PRKN: variants seen among roughly 807,000 people sequenced by gnomAD.
The protein encoded by PRKN is parkin RBR E3 ubiquitin protein ligase.
In PRKN, 56 loss-of-function variants were observed where a neutral mutation model predicts 59.5. The ratio of observed to expected loss-of-function variants is 0.94; its 90% CI spans 0.76 to 1.18. The LOEUF (loss-of-function observed/expected upper bound fraction) is 1.18, where lower values mean the gene tolerates loss of function less well. Among genes scored for constraint, PRKN ranks in the 50% most tolerant of loss-of-function variants. PRKN has a pLI of 0.00. For missense variants in PRKN, 657 were observed against 596.4 expected, an observed-to-expected ratio of 1.10 and a Z score of -1.06; for synonymous variants, 250 against 222.1, an observed-to-expected ratio of 1.13 and a Z score of -1.12.
At chr6:162,431,956 A>G (rs1327782189) in intron 2 of PRKN, among the ~76,000 whole-genome samples, 2 of 152,230 alleles carry the variant, frequency 1.3e-5, no homozygotes, top group Non-Finnish European at 2.9e-5. Flanking sequence ...GTATGGTTTT[A>G]ATAAACTGAA....
chr6:162,516,288 C>T (rs778352057), intron 1 of PRKN, among the ~76,000 whole-genome samples: 2 of 152,176 alleles, frequency 1.3e-5, no homozygotes, highest in Non-Finnish European at 2.9e-5. Flanking sequence ...TTCTCCCTAA[C>T]TCCTCTGCTG....
intron 4 of PRKN, among the ~76,000 whole-genome samples, chr6:162,095,300 G>A (rs532812622): frequency 1.4e-3 from 218 of 152,242 alleles, no homozygotes; most frequent in Non-Finnish European, 2.2e-3. Flanking sequence ...CTCTAAAAAT[G>A]AACAAGATGA....
At chr6:161,964,956 T>C (rs77958649) in intron 6 of PRKN, among the ~76,000 whole-genome samples, 12,462 of 152,064 alleles carry the variant, frequency 0.082, 636 homozygotes, top group African/African-American at 0.11. Context: ...ATAGCCAGAA[T>C]TAATATGTGA....
intron 1 of PRKN, among the ~76,000 whole-genome samples, chr6:162,627,963 C>T (rs1318226048): frequency 6.6e-6 from 1 of 152,040 alleles, no homozygotes; most frequent in Non-Finnish European, 1.5e-5. Context: ...TCAAACCACT[C>T]GGTATCACTC....
At chr6:162,608,922 A>G (rs952462841) in intron 1 of PRKN, among the ~76,000 whole-genome samples, 11 of 152,160 alleles carry the variant, frequency 7.2e-5, no homozygotes, top group Non-Finnish European at 1.3e-4. Flanking sequence ...GGCATGGGTC[A>G]GTAGCACAGG....
At chr6:162,243,128 C>T (rs191888952) in intron 3 of PRKN, among the ~76,000 whole-genome samples, 135 of 152,094 alleles carry the variant, frequency 8.9e-4, no homozygotes, top group East Asian at 3.9e-4. Flanking sequence ...TGGCAATGAC[C>T]GCAATAAATT....
At chr6:162,184,297 C>A (rs1462514276) in intron 4 of PRKN, among the ~76,000 whole-genome samples, 2 of 152,168 alleles carry the variant, frequency 1.3e-5, no homozygotes, top group African/African-American at 4.8e-5. Context: ...CATCCACTGT[C>A]CTCTCTTTCT....
chr6:161,801,940 A>T (rs1215798506), intron 6 of PRKN, among the ~76,000 whole-genome samples: 3 of 152,182 alleles, frequency 2.0e-5, no homozygotes, highest in Non-Finnish European at 2.9e-5. Context: ...GGTTGTGCTG[A>T]GGGTTAAACA....
At position 161,546,486 on chromosome 6, in the gene PRKN, A is replaced by G. The variant is rs573674725; in HGVS notation, c.1083+2368T>C. 2.0e-5 allele frequency among the ~76,000 whole-genome samples: 3 copies of G among 152,324 alleles called. No individual in the cohort carries two copies. In the South Asian group the frequency reaches 6.2e-4, roughly 32 times the overall value. On this transcript the variant is annotated intron_variant, in intron 9 of 11. Transcript: ENST00000366898. The surrounding 1 kb of genome is among the most constrained non-coding windows in gnomAD (Gnocchi z 4.4). ...TTATCTCTGCTGAGAAGCCAAAGCA[A>G]TGGGAATGGACATAAGCTTGCAAAA...
intron 5 of PRKN, among the ~76,000 whole-genome samples, chr6:162,025,293 G>A (rs1036710153): frequency 2.6e-5 from 4 of 152,010 alleles, no homozygotes; most frequent in South Asian, 2.1e-4. Context: ...GTGAGCCACC[G>A]CACCCAGTCT....
chr6:162,022,802 A>G (rs1038219730), intron 5 of PRKN, among the ~76,000 whole-genome samples: 1 of 152,152 alleles, frequency 6.6e-6, no homozygotes, highest in African/African-American at 2.4e-5. Context: ...CCTTACACAT[A>G]AGTCTTTAAT....
intron 1 of PRKN, among the ~76,000 whole-genome samples, chr6:162,445,731 C>T (rs1409201610): frequency 8.8e-6 from 1 of 113,246 alleles, no homozygotes; most frequent in Non-Finnish European, 1.8e-5. Context: ...AAAAAAAGTC[C>T]ACATTTCTAT....
At chr6:162,061,531 T>A (rs147845089) in intron 4 of PRKN, among the ~76,000 whole-genome samples, 1 of 152,186 alleles carries the variant, frequency 6.6e-6, no homozygotes, top group African/African-American at 2.4e-5. Flanking sequence ...TTCTACAGCA[T>A]GCTGTTTATA....
At chr6:161,946,431 C>CAG (rs1779783885) in intron 6 of PRKN, among the ~76,000 whole-genome samples, 4 of 137,574 alleles carry the variant, frequency 2.9e-5, no homozygotes, top group African/African-American at 1.0e-4. Flanking sequence ...CTCTCTCTCT[C>CAG]TCTCTCTCTC....
intron 7 of PRKN, among the ~76,000 whole-genome samples, chr6:161,682,017 C>G (rs190117833): frequency 2.0e-4 from 31 of 152,278 alleles, no homozygotes; most frequent in Admixed American, 1.9e-3. Flanking sequence ...GAGTCAGGGA[C>G]GAGTGGCTGT....
intron 1 of PRKN, among the ~76,000 whole-genome samples, chr6:162,502,528 T>C (rs1793421765): frequency 6.6e-6 from 1 of 152,166 alleles, no homozygotes; most frequent in Non-Finnish European, 1.5e-5. Context: ...AACAGGGAAA[T>C]AGTCATGCGA....
chr6:162,543,120 T>TC (rs1778988738), intron 1 of PRKN, among the ~76,000 whole-genome samples: 1 of 152,112 alleles, frequency 6.6e-6, no homozygotes, highest in Non-Finnish European at 1.5e-5. Context: ...CAGTCAGAAG[T>TC]CCCTCTGATC....
chr6:162,665,701 A>C (rs1779074372), intron 1 of PRKN, among the ~76,000 whole-genome samples: 1 of 152,192 alleles, frequency 6.6e-6, no homozygotes, highest in South Asian at 2.1e-4. Context: ...TTATGGAATC[A>C]AAGAAGACCC....
rs1779987483 is a variant in PRKN at position 161,550,848 on chromosome 6, T to C, written c.934-1845A>G. Among the ~76,000 whole-genome samples, 1 of 152,084 alleles carries C rather than the reference T, an allele frequency of 6.6e-6. No individual in the cohort carries two copies. The highest frequency in any genetic ancestry group is 1.5e-5 in the Non-Finnish European group (1 of 68,026). On this transcript the variant is annotated intron_variant, in intron 8 of 11. Coordinates refer to ENST00000366898, the MANE Select transcript of PRKN (RefSeq NM_004562.3). This position sits in a 1 kb window ranked among gnomAD's most constrained non-coding sequence, Gnocchi z 4.0. ...TACACAGCGATGTCAAAATGTCCAG[T>C]ATCTAATTGAATAAATAAGTGTAGT...
Sources: allele counts gnomAD v4.1 joint callset (sites outside exome capture counted in the v4.1 genomes callset), GRCh38; gene constraint gnomAD v4.1.1; non-coding constraint Gnocchi (gnomAD v3.1); transcripts MANE v1.5; gene names NCBI Gene and HGNC (gene_info 2026-07-23, HGNC 2026-07-21).